The following LINGO2 variants were observed in gnomAD, a reference collection of about 807,000 sequenced individuals.
LINGO2 encodes the protein leucine-rich repeat and immunoglobulin-like domain-containing nogo receptor-interacting protein 2.
Under a neutral mutation model 30.6 loss-of-function variants are expected in LINGO2, and 14 were observed. That is an observed-to-expected ratio of 0.46 (90% CI 0.30 to 0.72). LINGO2 has a LOEUF of 0.72. Among genes scored for constraint, LINGO2 ranks in the 30% least tolerant of loss-of-function variants. The probability of loss-of-function intolerance (pLI) is 0.07; values close to 1 mark genes in which losing one functional copy is unlikely to be tolerated. For synonymous variants in LINGO2, 317 were observed against 288.5 expected, an observed-to-expected ratio of 1.10 and a Z score of -1.00; for missense variants, 729 against 751.7, an observed-to-expected ratio of 0.97 and a Z score of 0.35.
chr9:28,143,496 C>T (rs1261571932), intron 4 of LINGO2, among the ~76,000 whole-genome samples: 7 of 152,074 alleles, frequency 4.6e-5, no homozygotes, highest in Non-Finnish European at 8.8e-5. Context: ...AGGATCAGAA[C>T]AGTACAATAA....
At chr9:29,059,127 G>A in the LINGO2 span, among the ~76,000 whole-genome samples, 1 of 151,512 alleles carries the variant, frequency 6.6e-6, no homozygotes, top group Non-Finnish European at 1.5e-5. Flanking sequence ...ATATTTATGA[G>A]AAAAAATAAA....
intron 3 of LINGO2, 61 bp downstream of exon 5, chr9:28,372,775 C>T (rs2134578878): frequency 6.6e-6 from 1 of 152,074 alleles, no homozygotes; most frequent in Middle Eastern, 3.4e-3. Context: ...TAGTTTTTAC[C>T]CCATAGATTT....
At chr9:28,736,826 A>G in the LINGO2 span, among the ~76,000 whole-genome samples, 3 of 152,110 alleles carry the variant, frequency 2.0e-5, no homozygotes, top group Non-Finnish European at 4.4e-5. Flanking sequence ...ACATACATAC[A>G]TAAATACATA....
chr9:28,514,386 C>A (rs553178764), intron 1 of LINGO2, among the ~76,000 whole-genome samples: 2 of 152,058 alleles, frequency 1.3e-5, no homozygotes, highest in African/African-American at 2.4e-5. Context: ...ATGCCTCTTT[C>A]GCCAGTTAGA....
At chr9:28,403,735 G>T (rs1002883482) in intron 2 of LINGO2, among the ~76,000 whole-genome samples, 1 of 150,988 alleles carries the variant, frequency 6.6e-6, no homozygotes, top group Non-Finnish European at 1.5e-5. Flanking sequence ...ATCTAGTTTG[G>T]CAAGAAGCAG....
intron 3 of LINGO2, among the ~76,000 whole-genome samples, chr9:28,313,994 C>T (rs1824733881): frequency 6.6e-6 from 1 of 151,916 alleles, no homozygotes; most frequent in South Asian, 2.1e-4. Flanking sequence ...AGTGCAGTGG[C>T]GCGATCTTGG....
At chr9:29,037,920 T>C in the LINGO2 span, among the ~76,000 whole-genome samples, 1 of 152,124 alleles carries the variant, frequency 6.6e-6, no homozygotes, top group East Asian at 1.9e-4. Context: ...TTGAAAATAT[T>C]AATAGAAAAA....
intron 5 of LINGO2, among the ~76,000 whole-genome samples, chr9:27,990,463 C>CA (rs1554650627): frequency 1.2e-4 from 1 of 8,128 alleles, no homozygotes; most frequent in Non-Finnish European, 1.2e-3. Flanking sequence ...GGTCTCAATA[C>CA]CCCCCCCCCT....
chr9:28,580,718 A>G lies in LINGO2; in HGVS notation c.-365+89482T>C, dbSNP rs145608540. Among the ~76,000 whole-genome samples, 398 of 152,128 alleles carry G rather than the reference A, an allele frequency of 2.6e-3. 3 individuals are homozygous for G. Among genetic ancestry groups the G allele is most frequent in the African/African-American group, 9.2e-3 (380 of 41,528 alleles). ...TGGCATTCAAACAGTCCTTTATTGA[A>G]GGATACAGGATAAGATATATTTATA... On this transcript the variant is annotated intron_variant, in intron 1 of 5. Coordinates refer to ENST00000379992, the Ensembl canonical transcript of LINGO2.
chr9:27,957,135 CT>C (rs1347005404), intron 5 of LINGO2, among the ~76,000 whole-genome samples: 1 of 152,018 alleles, frequency 6.6e-6, no homozygotes, highest in Non-Finnish European at 1.5e-5. Flanking sequence ...TAAATACTTT[CT>C]TTTCCCTATA....
At chr9:28,858,775 G>C in the LINGO2 span, among the ~76,000 whole-genome samples, 981 of 152,208 alleles carry the variant, frequency 6.4e-3, 12 homozygotes, top group African/African-American at 0.022. Flanking sequence ...AAACTGAGAA[G>C]TGAGTTTCCT....
the LINGO2 span, among the ~76,000 whole-genome samples, chr9:28,720,504 T>C: frequency 3.3e-5 from 5 of 152,030 alleles, no homozygotes; most frequent in Admixed American, 3.3e-4. Flanking sequence ...ACCATGTCTC[T>C]TTCCCCCAGT....
chr9:27,951,728 T>C (rs934294251), intron 5 of LINGO2, among the ~76,000 whole-genome samples: 1 of 152,180 alleles, frequency 6.6e-6, no homozygotes, highest in African/African-American at 2.4e-5. Context: ...ACGAACACCA[T>C]ATTTTAATTA....
chr9:28,481,879 T>C (rs1825984152), intron 1 of LINGO2, among the ~76,000 whole-genome samples: 1 of 151,476 alleles, frequency 6.6e-6, no homozygotes, highest in South Asian at 2.1e-4. Context: ...CGGTGTTTGG[T>C]TCTTTGTTCT....
At chr9:28,492,742 G>A (rs1222839251) in intron 1 of LINGO2, among the ~76,000 whole-genome samples, 1 of 152,044 alleles carries the variant, frequency 6.6e-6, no homozygotes, top group Non-Finnish European at 1.5e-5. Context: ...ACTAAACACT[G>A]CCATAATACA....
chr9:28,376,087 CT>C (rs75147834), intron 2 of LINGO2, among the ~76,000 whole-genome samples: 20,798 of 138,422 alleles, frequency 0.15, 1,403 homozygotes, highest in Admixed American at 0.19. Context: ...ACTTTCCTTG[CT>C]TTTTTTTTTT....
chr9:29,056,827 C>T, the LINGO2 span, among the ~76,000 whole-genome samples: 1 of 152,250 alleles, frequency 6.6e-6, no homozygotes, highest in Non-Finnish European at 1.5e-5. Context: ...TATCCCAGCA[C>T]CATTTGTTGA....
the LINGO2 span, among the ~76,000 whole-genome samples, chr9:28,685,813 G>A: frequency 2.6e-5 from 4 of 152,116 alleles, no homozygotes; most frequent in Non-Finnish European, 4.4e-5. Context: ...GCAGGTATGT[G>A]AGTCTAGACA....
At chr9:28,788,625 C>A in the LINGO2 span, among the ~76,000 whole-genome samples, 1 of 152,104 alleles carries the variant, frequency 6.6e-6, no homozygotes, top group Non-Finnish European at 1.5e-5. Flanking sequence ...AGGAAACTTA[C>A]AATCATGGTG....
Sources: allele counts gnomAD v4.1 joint callset (sites outside exome capture counted in the v4.1 genomes callset), GRCh38; gene constraint gnomAD v4.1.1; transcripts MANE v1.5; gene names NCBI Gene and HGNC (gene_info 2026-07-23, HGNC 2026-07-21).